The following TFCP2L1 variants were observed in gnomAD, a reference collection of about 807,000 sequenced individuals.
TFCP2L1 encodes transcription factor CP2-like protein 1.
Under a neutral mutation model 72.2 loss-of-function variants are expected in TFCP2L1, and 12 were observed. The observed-to-expected ratio is 0.17, with a 90% CI of 0.11 to 0.27. The LOEUF (loss-of-function observed/expected upper bound fraction) is 0.27, where lower values mean the gene tolerates loss of function less well. Among genes scored for constraint, TFCP2L1 ranks in the 10% least tolerant of loss-of-function variants. The pLI is 1.00. For missense variants in TFCP2L1, 488 were observed against 624.6 expected, an observed-to-expected ratio of 0.78 and a Z score of 2.33; for synonymous variants, 260 against 251.0, an observed-to-expected ratio of 1.04 and a Z score of -0.34.
intron 13 of TFCP2L1, among the ~76,000 whole-genome samples, chr2:121,226,969 A>T (rs1176807622): frequency 6.6e-6 from 1 of 152,016 alleles, no homozygotes. Flanking sequence ...GTAACACCAA[A>T]CTCCTACCAG....
chr2:121,254,101 T>A (rs1257988933), intron 2 of TFCP2L1, among the ~76,000 whole-genome samples: 3 of 152,196 alleles, frequency 2.0e-5, no homozygotes, highest in Non-Finnish European at 4.4e-5. Context: ...GACAGCGGGC[T>A]ATGAGAAGGC....
intron 2 of TFCP2L1, among the ~76,000 whole-genome samples, chr2:121,271,979 C>T (rs115784175): frequency 0.012 from 1,818 of 152,232 alleles, 39 homozygotes; most frequent in African/African-American, 0.041. Context: ...TTCCTTCCCC[C>T]CACAAAGCTT....
At chr2:121,248,297 A>G (rs769268243) in intron 4 of TFCP2L1, 27 bp from the exon 5 acceptor site, 1 of 1,566,726 alleles carries the variant, frequency 6.4e-7, no homozygotes. Context: ...ACATACAGAA[A>G]GTGCAATTGT....
intron 10 of TFCP2L1, among the ~76,000 whole-genome samples, chr2:121,235,592 T>A (rs563716229): frequency 0.11 from 16,315 of 149,014 alleles, 978 homozygotes; most frequent in Non-Finnish European, 0.14. Flanking sequence ...TTTTTTTTTT[T>A]TTTTTAAGAG....
rs1408140229 is a variant in TFCP2L1 at position 121,233,997 on chromosome 2, A to G, written c.1198+94T>C. 9 of 1,133,514 alleles carry G rather than the reference A, an allele frequency of 7.9e-6. No homozygotes were observed. In the Admixed American group the frequency reaches 1.2e-4, roughly 15 times the overall value. 70.2% of individuals were successfully genotyped at this position (1,133,514 alleles called of 1,614,324 possible). On this transcript the variant is annotated intron_variant, in intron 12 of 14. Transcript: ENST00000263707. ...GTGGGAGCCCAGGACTGTCCTGCAC[A>G]TTCACTGGAAATGAACAGAGGCCAG...
chr2:121,255,918 A>G (rs2104719141), intron 2 of TFCP2L1, among the ~76,000 whole-genome samples: 1 of 151,776 alleles, frequency 6.6e-6, no homozygotes, highest in Admixed American at 6.6e-5. Flanking sequence ...AATTTTTTGT[A>G]TTTTTAGTAG....
intron 3 of TFCP2L1, 30 bp downstream of exon 3, chr2:121,249,541 G>C (rs761734782): frequency 6.2e-7 from 1 of 1,609,694 alleles, no homozygotes; most frequent in Non-Finnish European, 8.5e-7. Flanking sequence ...CCCTCTCCCC[G>C]AGGCAATGAG....
chr2:121,278,539 AGGTGGGCGTGGT>A, intron 2 of TFCP2L1, among the ~76,000 whole-genome samples: 1 of 150,172 alleles, frequency 6.7e-6, no homozygotes, highest in Non-Finnish European at 1.5e-5. Flanking sequence ...TACAAAAATT[AGGTGGGCGTGGT>A]GGCACATGAC....
intron 2 of TFCP2L1, among the ~76,000 whole-genome samples, chr2:121,256,575 G>A (rs892810688): frequency 4.6e-5 from 7 of 152,010 alleles, no homozygotes; most frequent in Non-Finnish European, 7.4e-5. Context: ...CCAGGAGTTC[G>A]AAACCATCCT....
At chr2:121,260,080 C>A (rs1415913139) in intron 2 of TFCP2L1, among the ~76,000 whole-genome samples, 1 of 152,152 alleles carries the variant, frequency 6.6e-6, no homozygotes, top group African/African-American at 2.4e-5. Flanking sequence ...CAGGCAGAAG[C>A]CCCATCAACC....
chr2:121,245,348 CAGACTT>C (rs1454473986), intron 6 of TFCP2L1, among the ~76,000 whole-genome samples: 1 of 152,194 alleles, frequency 6.6e-6, no homozygotes, highest in Non-Finnish European at 1.5e-5. Flanking sequence ...AGGACCATTT[CAGACTT>C]CTGACTGCCA....
chr2:121,240,225 G>C (rs993560359), intron 7 of TFCP2L1: 1 of 985,046 alleles, frequency 1.0e-6, no homozygotes, highest in African/African-American at 1.7e-5. Flanking sequence ...TGGGGGCTAA[G>C]GGAGATCCAC....
At chr2:121,235,122 C>A (rs1256307543) in intron 11 of TFCP2L1, 99 bp downstream of exon 11, 1 of 1,331,200 alleles carries the variant, frequency 7.5e-7, no homozygotes, top group Non-Finnish European at 1.1e-6. Flanking sequence ...GTCCCCCCAG[C>A]CAGACCACCC....
chr2:121,257,728 T>A (rs1021052683), intron 2 of TFCP2L1, among the ~76,000 whole-genome samples: 2 of 152,322 alleles, frequency 1.3e-5, no homozygotes, highest in Admixed American at 1.3e-4. Flanking sequence ...CAGGAAGCGG[T>A]CACACACCAC....
At chr2:121,274,594 C>T (rs1192739910) in intron 2 of TFCP2L1, among the ~76,000 whole-genome samples, 2 of 152,068 alleles carry the variant, frequency 1.3e-5, no homozygotes, top group Non-Finnish European at 2.9e-5. Context: ...CAAGAAAATT[C>T]AAAATCCAAA....
intron 10 of TFCP2L1, among the ~76,000 whole-genome samples, chr2:121,237,347 A>T (rs1241148069): frequency 6.6e-6 from 1 of 152,162 alleles, no homozygotes; most frequent in Non-Finnish European, 1.5e-5. Context: ...GACAGACCAG[A>T]GCCCACCAAC....
chr2:121,278,194 G>A (rs546412399), intron 2 of TFCP2L1, among the ~76,000 whole-genome samples: 3 of 147,776 alleles, frequency 2.0e-5, no homozygotes, highest in Non-Finnish European at 4.5e-5. Flanking sequence ...CCGCCACCGC[G>A]CCCGGCTAAT....
chr2:121,254,635 TA>T (rs1686678626), intron 2 of TFCP2L1, among the ~76,000 whole-genome samples: 1 of 152,070 alleles, frequency 6.6e-6, no homozygotes, highest in African/African-American at 2.4e-5. Context: ...CTGTCTCTAC[TA>T]AAAACACAAA....
chr2:121,260,495 C>T (rs1351292305), intron 2 of TFCP2L1, among the ~76,000 whole-genome samples: 4 of 152,192 alleles, frequency 2.6e-5, no homozygotes, highest in Non-Finnish European at 5.9e-5. Context: ...CGCCCTCCTA[C>T]GGAGCCCTAC....
Sources: allele counts gnomAD v4.1 joint callset (sites outside exome capture counted in the v4.1 genomes callset), GRCh38; gene constraint gnomAD v4.1.1; transcripts MANE v1.5; gene names NCBI Gene and HGNC (gene_info 2026-07-23, HGNC 2026-07-21).